Variants in COL4A5 observed in about 807,000 individuals in gnomAD.
The protein encoded by COL4A5 is collagen alpha-5(IV) chain.
In COL4A5, 26 loss-of-function variants were observed where a neutral mutation model predicts 130.2. That is an observed-to-expected ratio of 0.20 (90% CI 0.15 to 0.28). COL4A5 has a LOEUF of 0.28. Among genes scored for constraint, COL4A5 ranks in the 10% least tolerant of loss-of-function variants. The pLI is 1.00. For synonymous variants in COL4A5, 496 were observed against 439.6 expected (o/e 1.13, Z -1.60); for missense variants, 1,131 against 1,344.3 (o/e 0.84, Z 2.48).
Position 108,442,315 on chromosome X carries a change from A to C in COL4A5, c.81+2109A>C, listed in dbSNP as rs1181494226. Among the ~76,000 whole-genome samples, 38 of 111,744 alleles carry C rather than the reference A, an allele frequency of 3.4e-4. No individual in the cohort carries two copies. In the Admixed American group the frequency reaches 3.6e-3, roughly 11 times the overall value. On this transcript the variant is annotated intron_variant, in intron 1 of 52. Transcript: ENST00000328300. Reference sequence around the variant, plus strand: ...GGTAAATGATTTCTTTATCTCTGAAATCATGCCAAATTGGTACATCACAAA... The same window carrying C: ...GGTAAATGATTTCTTTATCTCTGAACTCATGCCAAATTGGTACATCACAAA...
chrX:108,468,679 T>C (rs1204106519), intron 1 of COL4A5, among the ~76,000 whole-genome samples: 2 of 110,186 alleles, frequency 1.8e-5, no homozygotes, highest in Non-Finnish European at 3.8e-5. Flanking sequence ...TTTTCTTGTA[T>C]TGAACCACAT....
intron 42 of COL4A5, among the ~76,000 whole-genome samples, chrX:108,673,735 T>A (rs925557452): frequency 1.5e-4 from 16 of 106,289 alleles, no homozygotes; most frequent in Non-Finnish European, 2.5e-4. Flanking sequence ...ATAATAATAA[T>A]ATAATAATAA....
At chrX:108,675,596 G>A (rs2068287970) in intron 43 of COL4A5, among the ~76,000 whole-genome samples, 1 of 111,000 alleles carries the variant, frequency 9.0e-6, no homozygotes, top group Non-Finnish European at 1.9e-5. Flanking sequence ...GTGTTGACTG[G>A]TTGCCAGCCT....
intron 30 of COL4A5, among the ~76,000 whole-genome samples, chrX:108,615,296 A>G (rs2066907350): frequency 9.0e-6 from 1 of 111,666 alleles, no homozygotes; most frequent in Non-Finnish European, 1.9e-5. Flanking sequence ...TGAGTTAGAC[A>G]TGGTTTTGGA....
chrX:108,668,160 T>C (rs1300771234), intron 40 of COL4A5, among the ~76,000 whole-genome samples, 159 bp from the exon 41 acceptor site: 1 of 111,993 alleles, frequency 8.9e-6, no homozygotes, highest in Non-Finnish European at 1.9e-5. Context: ...ATATATTTAA[T>C]AGGAAGGATG....
intron 37 of COL4A5, among the ~76,000 whole-genome samples, chrX:108,664,509 G>A (rs758089857): frequency 8.1e-5 from 9 of 111,706 alleles, no homozygotes; most frequent in African/African-American, 2.9e-4. Flanking sequence ...CTTGGCATAG[G>A]CAGATTTTCT....
intron 1 of COL4A5, among the ~76,000 whole-genome samples, chrX:108,526,654 TTCTTTC>T (rs2065323673): frequency 1.6e-5 from 1 of 63,386 alleles, no homozygotes; most frequent in Non-Finnish European, 2.6e-5. Context: ...CTTTCTTTCT[TTCTTTC>T]TTCTTTCTTT....
intron 29 of COL4A5, among the ~76,000 whole-genome samples, chrX:108,608,999 T>C (rs2066782397): frequency 8.9e-6 from 1 of 112,275 alleles, no homozygotes. Flanking sequence ...AGTTCTTTTC[T>C]TTCAGTGAAA....
At position 108,692,769 on chromosome X, in the gene COL4A5, G is replaced by A. The variant is rs104886285; in HGVS notation, c.4550G>A (p.Arg1517His). Residue 1517 changes from arginine to histidine, a missense_variant, in exon 50 of 53, where the codon CGT becomes CAT. By Grantham distance (29) the Arg-to-His change is conservative. Transcript: ENST00000328300. The part of the protein sequence containing the change: ...QDLGTAGSCL[R>H]RFSTMPFMFC... ...CTAGGGACGGCTGGCAGCTGCCTTC[G>A]TCGCTTTAGTACCATGCCTTTCATG... The A allele has an allele frequency of 1.7e-5, 20 of 1,209,389 alleles. No homozygotes were observed. The highest frequency in any genetic ancestry group is 1.5e-4 in the East Asian group (5 of 33,756).
At chrX:108,599,124 A>C (rs2066580107) in intron 25 of COL4A5, among the ~76,000 whole-genome samples, 1 of 111,390 alleles carries the variant, frequency 9.0e-6, no homozygotes, top group African/African-American at 3.3e-5. Flanking sequence ...AGTTTAATAA[A>C]TAGTTATAAC....
At chrX:108,537,133 T>TA (rs2065468044) in intron 1 of COL4A5, among the ~76,000 whole-genome samples, 1 of 111,063 alleles carries the variant, frequency 9.0e-6, no homozygotes, top group Non-Finnish European at 1.9e-5. Flanking sequence ...TAGATGTTGG[T>TA]AAAAAAACAA....
At chrX:108,504,405 A>T (rs2065106427) in intron 1 of COL4A5, among the ~76,000 whole-genome samples, 1 of 112,141 alleles carries the variant, frequency 8.9e-6, no homozygotes, top group African/African-American at 3.2e-5. Context: ...TTAAATTACA[A>T]GCTTCTGCAT....
intron 29 of COL4A5, among the ~76,000 whole-genome samples, chrX:108,607,347 T>C (rs1183232086): frequency 2.3e-5 from 2 of 85,406 alleles, no homozygotes; most frequent in African/African-American, 8.3e-5. Context: ...TGAGACTTTG[T>C]CTCAAAAAAA....
chrX:108,636,419 G>A, intron 36 of COL4A5, among the ~76,000 whole-genome samples: 1 of 109,567 alleles, frequency 9.1e-6, no homozygotes, highest in Non-Finnish European at 1.9e-5. Flanking sequence ...GACACTAAAA[G>A]CACAAACAAC....
chrX:108,621,261 C>G (rs2067043688), intron 31 of COL4A5, among the ~76,000 whole-genome samples: 1 of 107,607 alleles, frequency 9.3e-6, no homozygotes, highest in Non-Finnish European at 1.9e-5. Context: ...CTCAAGCCAT[C>G]TTCCTGCCTC....
intron 2 of COL4A5, among the ~76,000 whole-genome samples, chrX:108,548,073 T>G (rs1473316655): frequency 9.0e-5 from 10 of 111,510 alleles, no homozygotes; most frequent in African/African-American, 3.3e-4. Flanking sequence ...AGGCGATGCC[T>G]CACCCTGCTT....
intron 1 of COL4A5, among the ~76,000 whole-genome samples, chrX:108,472,789 T>C (rs182246614): frequency 2.8e-4 from 31 of 112,181 alleles, no homozygotes; most frequent in Non-Finnish European, 1.3e-4. Flanking sequence ...ATATACCTAG[T>C]AGTGGGATTG....
rs190497402 is a variant in COL4A5, at chrX:108,614,867, T to G, written c.2396-44T>G. 1.7e-4 allele frequency: 157 copies of G among 931,491 alleles called. No homozygotes were observed. In the African/African-American group the frequency reaches 2.9e-3, roughly 17 times the overall value. 76.8% of individuals were successfully genotyped at this position (931,491 alleles called of 1,213,427 possible). A position where few individuals can be genotyped will look rare whatever the true frequency, so the allele number is the denominator to read the frequency against. On this transcript the variant is annotated intron_variant, in intron 29 of 52. Coordinates refer to ENST00000328300, the MANE Select transcript of COL4A5 (RefSeq NM_033380.3). ...GATATGGTTCCCAAGGACTAGTGAC[T>G]CAGGTGTTGCTTTTAATATTTAAAC...
At chrX:108,497,400 G>A (rs755511241) in intron 1 of COL4A5, among the ~76,000 whole-genome samples, 8 of 111,346 alleles carry the variant, frequency 7.2e-5, no homozygotes, top group Non-Finnish European at 1.5e-4. Context: ...AGATTTCCAC[G>A]TGATGTGGTA....
Sources: gnomAD v4.1 joint callset for allele counts (sites outside exome capture counted in the v4.1 genomes callset) on GRCh38, gnomAD v4.1.1 for gene constraint, MANE v1.5 for transcripts, NCBI Gene and HGNC (gene_info 2026-07-23, HGNC 2026-07-21) for gene names.